Variants in ADAMTS12 observed in about 807,000 individuals in gnomAD.
ADAMTS12 encodes the protein ADAM metallopeptidase with thrombospondin type 1 motif 12.
A neutral mutation model predicts 167.8 loss-of-function variants in ADAMTS12; 118 were observed. The observed-to-expected ratio is 0.70, with a 90% CI of 0.61 to 0.82. The LOEUF (loss-of-function observed/expected upper bound fraction) is 0.82. ADAMTS12 is among the 40% of genes least tolerant of loss of function. ADAMTS12 has a pLI of 0.00. For synonymous variants in ADAMTS12, 704 were observed against 716.9 expected, an observed-to-expected ratio of 0.98 and a Z score of 0.29; for missense variants, 1,916 against 1,998.8, an observed-to-expected ratio of 0.96 and a Z score of 0.79.
At chr5:33,816,769 T>A (rs10941097) in intron 2 of ADAMTS12, among the ~76,000 whole-genome samples, 115,795 of 152,100 alleles carry the variant, frequency 0.76, 44,805 homozygotes, top group Non-Finnish European at 0.83. Flanking sequence ...CAACTGAGGA[T>A]GAGAAGCTGA....
At position 33,547,722 on chromosome 5, in the gene ADAMTS12, G is replaced by A. The variant is rs1353728637; in HGVS notation, c.4302+1485C>T. Among the ~76,000 whole-genome samples the A allele has an allele frequency of 7.2e-5, 11 of 152,230 alleles. No individual in the cohort carries two copies. The East Asian group carries it at 1.4e-3, about 19-fold the overall frequency. ...GGGAGCAGGTTCCTGATGGCGATCC[G>A]AGAAGCTACAGAGGAAACATAAAGA... On this transcript the variant is annotated intron_variant, in intron 21 of 23. Coordinates refer to ENST00000504830, the MANE Select transcript of ADAMTS12 (RefSeq NM_030955.4).
chr5:33,543,927 A>T (rs1744833500), intron 22 of ADAMTS12, among the ~76,000 whole-genome samples: 1 of 152,204 alleles, frequency 6.6e-6, no homozygotes, highest in Admixed American at 6.5e-5. Flanking sequence ...CAAAAACTGG[A>T]AGCATTCCCT....
At chr5:33,831,755 T>G (rs917712219) in intron 2 of ADAMTS12, among the ~76,000 whole-genome samples, 1 of 152,308 alleles carries the variant, frequency 6.6e-6, no homozygotes, top group South Asian at 2.1e-4. Context: ...TTTATGATTA[T>G]TATCCCTCCT....
In ADAMTS12 at chr5:33,889,009, A is replaced by C. The variant is rs146278842; in HGVS notation, c.127+2721T>G. Among the ~76,000 whole-genome samples, 158 of 152,346 alleles carry C rather than the reference A, an allele frequency of 1.0e-3. 1 individual carries two copies. The East Asian group carries it at 0.023, about 22-fold the overall frequency. On this transcript the variant is annotated intron_variant, in intron 1 of 23. Transcript: ENST00000504830. ...AACTCTTAGAACTAGAAGGAACCTA[A>C]AAGGTAATGTAGTGTCTGAATCTGT...
rs1351320426 is a variant in ADAMTS12, at chr5:33,597,923, G to GT, written c.2528-1864dup. 2.0e-5 allele frequency among the ~76,000 whole-genome samples: 3 copies of GT among 152,330 alleles called. No individual in the cohort carries two copies. In the East Asian group the frequency reaches 5.8e-4, roughly 29 times the overall value. Reference sequence around the variant, plus strand: ...ACATGAAAAGGACCGTCAGATGACTGTAACAGGTTGGAAACATTCCGAAAA... The same window carrying GT: ...ACATGAAAAGGACCGTCAGATGACTGTTAACAGGTTGGAAACATTCCGAAAA... On this transcript the variant is annotated intron_variant, in intron 16 of 23. Transcript: ENST00000504830.
intron 2 of ADAMTS12, among the ~76,000 whole-genome samples, chr5:33,837,450 T>C (rs1303619942): frequency 6.6e-6 from 1 of 152,190 alleles, no homozygotes; most frequent in African/African-American, 2.4e-5. Context: ...GCACTTTGCT[T>C]GCCACACCCA....
Position 33,524,135 on chromosome 5 carries a change from G to C in ADAMTS12, c.*3053C>G, listed in dbSNP as rs560711651. 1 of 152,356 alleles carries C rather than the reference G, an allele frequency of 6.6e-6. No individual in the cohort carries two copies. Among genetic ancestry groups the C allele is most frequent in the Non-Finnish European group, 1.5e-5 (1 of 68,038 alleles). 9.4% of individuals were successfully genotyped at this position (152,356 alleles called of 1,614,324 possible). ...ATCACAGTGGGATGTCAGCGGAGAC[G>C]TGGCTGTCTCAGGAGATTGGACGGA... On this transcript the variant is annotated 3_prime_UTR_variant, in exon 24 of 24. Coordinates refer to ENST00000504830, the MANE Select transcript of ADAMTS12 (RefSeq NM_030955.4).
chr5:33,665,539 TAAGAGAGA>T (rs1346338449), intron 5 of ADAMTS12, among the ~76,000 whole-genome samples: 2 of 151,882 alleles, frequency 1.3e-5, no homozygotes, highest in Admixed American at 6.6e-5. Context: ...TTAAAATGTA[TAAGAGAGA>T]AAGAGAGAAA....
intron 2 of ADAMTS12, among the ~76,000 whole-genome samples, chr5:33,800,642 TG>T (rs1309373565): frequency 1.4e-5 from 2 of 147,170 alleles, no homozygotes; most frequent in Non-Finnish European, 1.5e-5. Context: ...ATTTTTTTTT[TG>T]AGCTCTAGTT....
At chr5:33,769,951 T>C (rs949821801) in intron 2 of ADAMTS12, among the ~76,000 whole-genome samples, 2 of 152,222 alleles carry the variant, frequency 1.3e-5, no homozygotes, top group Non-Finnish European at 2.9e-5. Context: ...TACCCTTCTA[T>C]AATTTTCAGC....
intron 12 of ADAMTS12, among the ~76,000 whole-genome samples, chr5:33,632,935 A>T (rs1740017448): frequency 6.6e-6 from 1 of 152,094 alleles, no homozygotes; most frequent in South Asian, 2.1e-4. Context: ...AAACGGACAG[A>T]TTCACTAAGT....
chr5:33,854,030 G>A (rs1345245817), intron 2 of ADAMTS12, among the ~76,000 whole-genome samples: 1 of 152,154 alleles, frequency 6.6e-6, no homozygotes, highest in African/African-American at 2.4e-5. Flanking sequence ...CAAATTCGGT[G>A]GAATTGCCCT....
chr5:33,639,211 T>A (rs1740340515), intron 11 of ADAMTS12, among the ~76,000 whole-genome samples: 1 of 152,108 alleles, frequency 6.6e-6, no homozygotes, highest in South Asian at 2.1e-4. Context: ...CTGAGAGCAT[T>A]TTTTTTGGTT....
intron 16 of ADAMTS12, among the ~76,000 whole-genome samples, chr5:33,609,312 C>T (rs532011724): frequency 3.3e-5 from 5 of 150,762 alleles, no homozygotes; most frequent in African/African-American, 7.3e-5. Flanking sequence ...GTTAAGACAC[C>T]GAAAGCACAA....
intron 16 of ADAMTS12, among the ~76,000 whole-genome samples, chr5:33,613,893 T>C (rs1738851170): frequency 6.6e-6 from 1 of 152,206 alleles, no homozygotes; most frequent in South Asian, 2.1e-4. Context: ...TGGTACACAT[T>C]TGAGGAGTTG....
chr5:33,852,875 C>T (rs541202723), intron 2 of ADAMTS12, among the ~76,000 whole-genome samples: 123 of 152,324 alleles, frequency 8.1e-4, no homozygotes, highest in African/African-American at 2.7e-3. Context: ...GGCAAACAGA[C>T]AGGATGGCTG....
intron 2 of ADAMTS12, among the ~76,000 whole-genome samples, chr5:33,799,359 A>C (rs981503589): frequency 6.6e-6 from 1 of 152,160 alleles, no homozygotes; most frequent in Non-Finnish European, 1.5e-5. Context: ...ACTGAGACTC[A>C]TTCTACCTCA....
intron 9 of ADAMTS12, among the ~76,000 whole-genome samples, chr5:33,646,662 A>G (rs1740678616): frequency 6.6e-6 from 1 of 152,172 alleles, no homozygotes; most frequent in Admixed American, 6.6e-5. Context: ...CTAAAGGAAA[A>G]CCTGACATAA....
chr5:33,629,326 T>C (rs58390113), intron 13 of ADAMTS12, among the ~76,000 whole-genome samples: 52,630 of 152,042 alleles, frequency 0.35, 10,265 homozygotes, highest in African/African-American at 0.54. Flanking sequence ...GGGCAAGAGC[T>C]TGTCACAGGG....
Sources: allele counts gnomAD v4.1 joint callset (sites outside exome capture counted in the v4.1 genomes callset), GRCh38; gene constraint gnomAD v4.1.1; transcripts MANE v1.5; gene names NCBI Gene and HGNC (gene_info 2026-07-23, HGNC 2026-07-21).